Variants in RANBP2 observed in about 807,000 individuals in gnomAD.
RANBP2 encodes the protein E3 SUMO-protein ligase RanBP2.
In RANBP2, 57 loss-of-function variants were observed where a neutral mutation model predicts 303.6. That is an observed-to-expected ratio of 0.19 (90% CI 0.15 to 0.23). The LOEUF (loss-of-function observed/expected upper bound fraction) is 0.23. RANBP2 is among the 10% of genes least tolerant of loss of function. The pLI, the probability that RANBP2 is intolerant of heterozygous loss-of-function variation, is 1.00. For missense variants in RANBP2, 3,138 were observed against 3,780.8 expected (o/e 0.83, Z 4.46); for synonymous variants, 1,167 against 1,301.5 (o/e 0.90, Z 2.23).
chr2:108,823,794 A>G, the RANBP2 span, among the ~76,000 whole-genome samples: 1 of 152,198 alleles, frequency 6.6e-6, no homozygotes, highest in Non-Finnish European at 1.5e-5. Flanking sequence ...AGCCTGGCCA[A>G]TGTGAAACTC....
intron 20 of RANBP2, 91 bp downstream of exon 20, chr2:108,768,479 A>G (rs547318624): frequency 1.8e-5 from 29 of 1,598,142 alleles, no homozygotes; most frequent in Middle Eastern, 4.5e-4. Context: ...TAATGTTGGG[A>G]TATAAATGAT....
the RANBP2 span, among the ~76,000 whole-genome samples, chr2:108,812,311 A>C: frequency 6.6e-6 from 1 of 152,174 alleles, no homozygotes; most frequent in South Asian, 2.1e-4. Flanking sequence ...AGGATTTTAT[A>C]CTTTTCTTTA....
the RANBP2 span, chr2:108,989,225 A>G: frequency 6.6e-6 from 1 of 152,026 alleles, no homozygotes; most frequent in African/African-American, 2.4e-5. Context: ...AAGTTTGGAA[A>G]CTCAGTCCTT....
the RANBP2 span, among the ~76,000 whole-genome samples, chr2:109,121,731 C>T: frequency 2.6e-5 from 4 of 152,246 alleles, no homozygotes; most frequent in African/African-American, 9.6e-5. Context: ...TCCCTGTAGG[C>T]TTCATCTATC....
At chr2:108,857,235 C>T in the RANBP2 span, among the ~76,000 whole-genome samples, 4 of 151,812 alleles carry the variant, frequency 2.6e-5, no homozygotes, top group Admixed American at 6.6e-5. Flanking sequence ...CACGCCACCA[C>T]GCCCAGCTAA....
At chr2:109,091,541 T>G in the RANBP2 span, among the ~76,000 whole-genome samples, 1 of 152,214 alleles carries the variant, frequency 6.6e-6, no homozygotes, top group Non-Finnish European at 1.5e-5. Flanking sequence ...GCAATTCCCC[T>G]GCCTTGATAA....
At chr2:108,753,585 G>C in intron 14 of RANBP2, 22 bp downstream of exon 14, 1 of 1,603,214 alleles carries the variant, frequency 6.2e-7, no homozygotes, top group Non-Finnish European at 8.5e-7. Flanking sequence ...CAGTACTTGA[G>C]CTAAAAGTTT....
the RANBP2 span, among the ~76,000 whole-genome samples, chr2:109,551,246 A>G: frequency 5.3e-5 from 8 of 152,260 alleles, no homozygotes; most frequent in Admixed American, 5.2e-4. Context: ...ATGGATTTAT[A>G]CAAAAGATAA....
the RANBP2 span, among the ~76,000 whole-genome samples, chr2:108,795,843 G>A: frequency 2.0e-5 from 3 of 151,996 alleles, no homozygotes; most frequent in Admixed American, 1.3e-4. Flanking sequence ...ACTCAGGCTG[G>A]GTATTTTACA....
chr2:109,456,538 C>A, the RANBP2 span, among the ~76,000 whole-genome samples: 1 of 152,202 alleles, frequency 6.6e-6, no homozygotes. Context: ...AGGGCAGTGG[C>A]CCAGCCTGGT....
chr2:109,088,932 C>G, the RANBP2 span, among the ~76,000 whole-genome samples: 1 of 152,126 alleles, frequency 6.6e-6, no homozygotes, highest in African/African-American at 2.4e-5. Context: ...GAGTTGAGCC[C>G]CAAACAAAAG....
the RANBP2 span, among the ~76,000 whole-genome samples, chr2:109,551,320 A>G: frequency 6.6e-6 from 1 of 152,260 alleles, no homozygotes; most frequent in East Asian, 1.9e-4. Flanking sequence ...GTCCTTTAAT[A>G]TAGAATTAAA....
the RANBP2 span, among the ~76,000 whole-genome samples, chr2:109,147,873 T>C: frequency 6.6e-6 from 1 of 152,252 alleles, no homozygotes; most frequent in African/African-American, 2.4e-5. Flanking sequence ...ACATATAAAG[T>C]TAGACCTTTT....
the RANBP2 span, among the ~76,000 whole-genome samples, chr2:109,633,860 G>A: frequency 2.7e-5 from 4 of 148,666 alleles, no homozygotes; most frequent in Non-Finnish European, 4.5e-5. Context: ...AATGGCTCAC[G>A]TCTGTAATTC....
Position 108,752,003 on chromosome 2 carries a change from T to TA in RANBP2, c.1755+12dup. 1.2e-6 allele frequency: 2 copies of TA among 1,611,934 alleles called. No homozygotes were observed. The highest frequency in any genetic ancestry group is 4.5e-5 in the East Asian group (2 of 44,868). ...AATGCCTTCAGAAAACGGTGAGTTT[T>TA]AAAGTATAAGCATTTTTAAAGAACA... On this transcript the variant is annotated intron_variant, in intron 12 of 28. Coordinates refer to ENST00000283195, the MANE Select transcript of RANBP2 (RefSeq NM_006267.5).
At chr2:109,014,180 G>T in the RANBP2 span, among the ~76,000 whole-genome samples, 1 of 152,314 alleles carries the variant, frequency 6.6e-6, no homozygotes, top group South Asian at 2.1e-4. Flanking sequence ...TCTCCCCCAT[G>T]TGAAGAGACA....
At chr2:109,475,351 C>G in the RANBP2 span, among the ~76,000 whole-genome samples, 12,793 of 152,312 alleles carry the variant, frequency 0.084, 1,251 homozygotes, top group African/African-American at 0.23. Context: ...TCTCCACCTC[C>G]TCATGCTCCA....
chr2:109,241,360 A>G, the RANBP2 span, among the ~76,000 whole-genome samples: 2 of 152,212 alleles, frequency 1.3e-5, no homozygotes, highest in African/African-American at 2.4e-5. Flanking sequence ...TACAAAATTC[A>G]TCTTGCTGTG....
intron 1 of RANBP2, among the ~76,000 whole-genome samples, chr2:108,721,749 A>G (rs1694270153): frequency 1.3e-5 from 2 of 151,426 alleles, no homozygotes; most frequent in Admixed American, 6.6e-5. Context: ...ACCGGCCATT[A>G]TTTTATTTTT....
Sources: gnomAD v4.1 joint callset for allele counts (sites outside exome capture counted in the v4.1 genomes callset) on GRCh38, gnomAD v4.1.1 for gene constraint, MANE v1.5 for transcripts, NCBI Gene and HGNC (gene_info 2026-07-23, HGNC 2026-07-21) for gene names.